Variants in HACD2 observed in about 807,000 individuals in gnomAD.
The protein encoded by HACD2 is 3-hydroxyacyl-CoA dehydratase 2.
HACD2 carries 15 observed loss-of-function variants against 31.0 expected under a neutral mutation model. That is an observed-to-expected ratio of 0.48 (90% CI 0.32 to 0.75). The LOEUF (loss-of-function observed/expected upper bound fraction) is 0.75. HACD2 is among the 30% of genes least tolerant of loss of function. The pLI is 0.03. For synonymous variants in HACD2, 115 were observed against 122.2 expected (o/e 0.94, Z 0.39); for missense variants, 283 against 313.0 (o/e 0.90, Z 0.72).
At chr3:123,506,838 G>C (rs1262115498) in intron 4 of HACD2, among the ~76,000 whole-genome samples, 1 of 152,184 alleles carries the variant, frequency 6.6e-6, no homozygotes. Context: ...AGAGAAGTAA[G>C]AAAAGCTAAT....
chr3:123,572,345 A>G (rs1352834182), intron 2 of HACD2, among the ~76,000 whole-genome samples: 1 of 152,088 alleles, frequency 6.6e-6, no homozygotes, highest in African/African-American at 2.4e-5. Context: ...CAGCTCTACA[A>G]AAAATTTTAA....
chr3:123,528,551 C>A, intron 3 of HACD2, 77 bp from the exon 4 acceptor site: 1 of 910,768 alleles, frequency 1.1e-6, no homozygotes, highest in Non-Finnish European at 1.8e-6. Flanking sequence ...TAAAACATTC[C>A]AACTTAAATG....
chr3:123,519,032 G>A (rs1008148994), intron 4 of HACD2, among the ~76,000 whole-genome samples: 20 of 149,280 alleles, frequency 1.3e-4, no homozygotes, highest in South Asian at 4.2e-4. Flanking sequence ...CAGAGCAAGA[G>A]GAAGTGAGAG....
chr3:123,498,784 A>G (rs2055866161), intron 6 of HACD2, among the ~76,000 whole-genome samples: 1 of 152,184 alleles, frequency 6.6e-6, no homozygotes, highest in Admixed American at 6.5e-5. Flanking sequence ...TTTCAAGACC[A>G]AGATGAAAAG....
intron 3 of HACD2, among the ~76,000 whole-genome samples, chr3:123,540,093 A>G (rs536005967): frequency 2.6e-5 from 4 of 151,284 alleles, no homozygotes; most frequent in Admixed American, 1.3e-4. Flanking sequence ...AAAAAAAAAA[A>G]AAAAGAAAAG....
At chr3:123,528,497 TA>T in intron 3 of HACD2, 23 bp from the exon 4 acceptor site, 1 of 1,308,352 alleles carries the variant, frequency 7.6e-7, no homozygotes, top group Non-Finnish European at 1.1e-6. Context: ...TTGGGATGGA[TA>T]AATAAATGTA....
chr3:123,557,523 C>T (rs2056685251), intron 3 of HACD2, among the ~76,000 whole-genome samples: 1 of 152,090 alleles, frequency 6.6e-6, no homozygotes, highest in Non-Finnish European at 1.5e-5. Context: ...CCTGTAGTCC[C>T]AGCTACTTGG....
rs1364766166 is a variant in HACD2 at position 123,584,949 on chromosome 3, C to T, written c.79G>A (p.Gly27Ser). The change falls in exon 1 of 7, where the codon GGC becomes AGC. Residue 27 changes from glycine to serine, a missense_variant. Coordinates refer to ENST00000383657, the MANE Select transcript of HACD2 (RefSeq NM_198402.5). ...GGRAGAGDASGTRKKKGPGPL... is the reference protein window; with the variant it reads ...GGRAGAGDASSTRKKKGPGPL... Reference sequence around the variant, plus strand: ...CCCGGGCCCTTCTTCTTCCGCGTGCCGCTGGCGTCCCCGGCCCCGGCCCTG... The same window carrying T: ...CCCGGGCCCTTCTTCTTCCGCGTGCTGCTGGCGTCCCCGGCCCCGGCCCTG... 13 of 1,528,816 alleles carry T rather than the reference C, an allele frequency of 8.5e-6. 1 individual carries two copies. In the African/African-American group the frequency reaches 1.3e-4, roughly 15 times the overall value. 94.7% of individuals were successfully genotyped at this position (1,528,816 alleles called of 1,614,324 possible).
chr3:123,494,964 G>C lies in HACD2; in HGVS notation c.689C>G (p.Pro230Arg). ...GTGTATCATGTGGAAGTATAACTGG[G>C]GAAAAACTGAAAAGAAAAGAAAAAT... The part of the protein sequence containing the change: ...LIMISYIPIF[P>R]QLYFHMIHQR... The change falls in exon 7 of 7, where the codon CCC (proline) becomes CGC (arginine). Residue 230 changes from proline to arginine, a missense_variant. Physicochemically the swap from Pro to Arg is moderately radical, Grantham distance 103. Transcript: ENST00000383657. 3 of 1,551,318 alleles carry C rather than the reference G, an allele frequency of 1.9e-6. No homozygotes were observed. The highest frequency in any genetic ancestry group is 2.6e-6 in the Non-Finnish European group (3 of 1,145,288).
intron 2 of HACD2, among the ~76,000 whole-genome samples, chr3:123,579,762 C>T (rs2056946017): frequency 6.6e-6 from 1 of 152,102 alleles, no homozygotes; most frequent in Admixed American, 6.5e-5. Flanking sequence ...ACTGTACTGG[C>T]CAAGGTTCTG....
At chr3:123,518,443 T>C (rs952182296) in intron 4 of HACD2, among the ~76,000 whole-genome samples, 8 of 152,238 alleles carry the variant, frequency 5.3e-5, no homozygotes, top group African/African-American at 1.9e-4. Context: ...CGCCAGTAGA[T>C]AGCCTCTGCT....
chr3:123,534,637 C>T (rs996636975), intron 3 of HACD2, among the ~76,000 whole-genome samples: 1 of 151,630 alleles, frequency 6.6e-6, no homozygotes. Flanking sequence ...AAGTGTAAAA[C>T]AGATTTAGGC....
intron 2 of HACD2, among the ~76,000 whole-genome samples, chr3:123,568,780 T>G (rs982564223): frequency 6.6e-6 from 1 of 152,188 alleles, no homozygotes; most frequent in African/African-American, 2.4e-5. Flanking sequence ...TTTCAGAATT[T>G]TTACATTTCT....
rs964256901 is a variant in HACD2 at position 123,494,577 on chromosome 3, T to C, written c.*311A>G. ...AAGTACTTAGTGTTACAGGTCTTCA[T>C]TGATCAGATACATGAAGGACACAGA... On this transcript the variant is annotated 3_prime_UTR_variant, in exon 7 of 7. Transcript: ENST00000383657. 5.3e-6 allele frequency: 2 copies of C among 378,930 alleles called. No individual in the cohort carries two copies. The highest frequency in any genetic ancestry group is 2.5e-5 in the South Asian group (1 of 39,520). The allele number at this position is 378,930 out of a possible 1,614,324, so 23.5% of individuals were successfully genotyped here.
intron 4 of HACD2, among the ~76,000 whole-genome samples, chr3:123,514,483 A>T (rs2056108189): frequency 6.6e-6 from 1 of 152,234 alleles, no homozygotes; most frequent in African/African-American, 2.4e-5. Flanking sequence ...AGAAGGAAAT[A>T]TAACTATTAT....
chr3:123,538,030 C>T (rs914597297), intron 3 of HACD2, among the ~76,000 whole-genome samples: 3 of 152,094 alleles, frequency 2.0e-5, no homozygotes, highest in South Asian at 4.2e-4. Context: ...TATTTCTGAC[C>T]AAAATGGAGA....
At chr3:123,575,308 G>A (rs1335994980) in intron 2 of HACD2, among the ~76,000 whole-genome samples, 2 of 152,192 alleles carry the variant, frequency 1.3e-5, no homozygotes, top group African/African-American at 2.4e-5. Context: ...GCAGAGGCGA[G>A]GTCTTGCTAT....
intron 2 of HACD2, among the ~76,000 whole-genome samples, chr3:123,577,476 C>A (rs547235865): frequency 1.3e-5 from 2 of 152,086 alleles, no homozygotes; most frequent in South Asian, 2.1e-4. Context: ...AAAAAATTAG[C>A]CGGGTGTGGT....
chr3:123,543,023 C>T (rs768029096), intron 3 of HACD2, among the ~76,000 whole-genome samples: 15 of 152,146 alleles, frequency 9.9e-5, no homozygotes, highest in African/African-American at 2.4e-4. Context: ...TGTGTGTATA[C>T]GTCAGTATTA....
Sources: allele counts gnomAD v4.1 joint callset (sites outside exome capture counted in the v4.1 genomes callset), GRCh38; gene constraint gnomAD v4.1.1; transcripts MANE v1.5; gene names NCBI Gene and HGNC (gene_info 2026-07-23, HGNC 2026-07-21).